The following SCARA5 variants were observed in gnomAD, a reference collection of about 807,000 sequenced individuals.
SCARA5 encodes the protein scavenger receptor class A member 5.
Under a neutral mutation model 46.3 loss-of-function variants are expected in SCARA5, and 45 were observed. The ratio of observed to expected loss-of-function variants is 0.97; its 90% CI spans 0.76 to 1.24. The LOEUF (loss-of-function observed/expected upper bound fraction) is 1.24. Among genes scored for constraint, SCARA5 ranks in the 50% most tolerant of loss-of-function variants. SCARA5 has a pLI of 0.00. For missense variants in SCARA5, 680 were observed against 689.0 expected (o/e 0.99, Z 0.15); for synonymous variants, 333 against 306.5 (o/e 1.09, Z -0.90).
intron 7 of SCARA5, among the ~76,000 whole-genome samples, chr8:27,882,949 C>A (rs1806834659): frequency 6.6e-6 from 1 of 151,406 alleles, no homozygotes. Flanking sequence ...AAGGCATTTC[C>A]CCAACTGCGA....
At chr8:27,904,744 A>C (rs781399868) in intron 7 of SCARA5, 34 bp downstream of exon 7, 1 of 1,591,136 alleles carries the variant, frequency 6.3e-7, no homozygotes, top group Non-Finnish European at 8.6e-7. Context: ...CTGTGCCAAC[A>C]CCATATCCCA....
rs192463474 is a variant in SCARA5, at chr8:27,967,344, C to A, written c.113-802G>T. ...TGTCAAATGTCAGTTAGCAGCAAAT[C>A]CGGCCCCAGGACCCAGGTTGATCTT... On this transcript the variant is annotated intron_variant, in intron 2 of 8. Transcript: ENST00000354914. Among the ~76,000 whole-genome samples the A allele has an allele frequency of 1.1e-4, 17 of 152,288 alleles. No individual in the cohort carries two copies. In the East Asian group the frequency reaches 3.1e-3, roughly 28 times the overall value.
chr8:27,912,023 AGGAAGGGTCCTCCCACTGAGCTTTCAGAG>A (rs1251585599), intron 4 of SCARA5, among the ~76,000 whole-genome samples: 2 of 152,164 alleles, frequency 1.3e-5, no homozygotes, highest in East Asian at 3.9e-4. Flanking sequence ...GGAAGGGCCA[AGGAAGGGTCCTCCCACTGAGCTTTCAGAG>A]GGAACGTGGC....
Position 27,987,647 on chromosome 8 carries a change from A to AG in SCARA5, c.-15-18dup. The stretch of plus-strand genomic sequence containing the variant: ...CTGCAACAGCTGCAGAGAAGGCAAG[A>AG]GGGGAGGAGAGGGAGGACGAAGGCC... On this transcript the variant is annotated splice_polypyrimidine_tract_variant and intron_variant, in intron 1 of 8. Transcript: ENST00000354914. 1 of 1,447,866 alleles carries AG rather than the reference A, an allele frequency of 6.9e-7. No homozygotes were observed. The allele number at this position is 1,447,866 out of a possible 1,614,324, so 89.7% of individuals were successfully genotyped here.
chr8:27,876,914 T>C (rs1585457653), intron 8 of SCARA5, among the ~76,000 whole-genome samples: 2 of 151,872 alleles, frequency 1.3e-5, no homozygotes, highest in South Asian at 4.2e-4. Context: ...GGGGCACCAG[T>C]GGGTAGGATG....
rs180706572 is a variant in SCARA5, at chr8:27,871,877, C to G, written c.*57G>C. 62 of 1,610,458 alleles carry G rather than the reference C, an allele frequency of 3.8e-5. No individual in the cohort carries two copies. In the African/African-American group the frequency reaches 6.8e-4, roughly 18 times the overall value. On this transcript the variant is annotated 3_prime_UTR_variant, in exon 9 of 9. Transcript: ENST00000354914. Reference sequence around the variant, plus strand: ...GGGTGGCCCCGAGCTGTGCCCCACCCCAGGGATGCAGGAAGGGTGCTCTGT... The same window carrying G: ...GGGTGGCCCCGAGCTGTGCCCCACCGCAGGGATGCAGGAAGGGTGCTCTGT...
intron 7 of SCARA5, among the ~76,000 whole-genome samples, chr8:27,880,569 G>A (rs2129673302): frequency 6.6e-6 from 1 of 152,112 alleles, no homozygotes; most frequent in South Asian, 2.1e-4. Flanking sequence ...AGAGCGGCTG[G>A]GCTTGGTGGC....
chr8:27,983,001 G>A (rs1808647637), intron 2 of SCARA5, among the ~76,000 whole-genome samples: 1 of 152,162 alleles, frequency 6.6e-6, no homozygotes, highest in Non-Finnish European at 1.5e-5. Flanking sequence ...CTGCGCTGAG[G>A]AAGCTCCCTG....
intron 7 of SCARA5, among the ~76,000 whole-genome samples, chr8:27,899,550 G>A (rs28498279): frequency 0.01 from 1,594 of 152,336 alleles, 21 homozygotes; most frequent in African/African-American, 0.036. Flanking sequence ...TACCACGCAC[G>A]AGGCATTGGT....
intron 2 of SCARA5, among the ~76,000 whole-genome samples, chr8:27,968,107 T>C (rs1362981893): frequency 6.6e-6 from 1 of 152,182 alleles, no homozygotes; most frequent in Non-Finnish European, 1.5e-5. Context: ...CAGGTATCAT[T>C]ACTACCTCCT....
intron 7 of SCARA5, among the ~76,000 whole-genome samples, chr8:27,896,350 TCTC>T (rs1316379335): frequency 1.3e-5 from 2 of 152,026 alleles, no homozygotes; most frequent in Non-Finnish European, 2.9e-5. Flanking sequence ...CTATCCCAGT[TCTC>T]CTCCTCCTCT....
rs1332114219 is a variant in SCARA5, at chr8:27,922,083, T to C, written c.404A>G (p.Gln135Arg). The change falls in exon 4 of 9, where the codon CAG becomes CGG. Residue 135 changes from glutamine to arginine, a missense_variant. Gln to Arg is a conservative substitution (Grantham distance 43). This residue lies in a region of SCARA5 where 438 missense variants were observed against 384.5 expected (regional missense o/e 1.14). Transcript: ENST00000354914. ...VWKVQDALQN[Q>R]SDSLLALAGA... ...CGCCAGCGCCAGCAACGAGTCTGACTGGTTCTGCAGCGCGTCCTGCACCTT... is the reference window on the plus strand; with the variant it reads ...CGCCAGCGCCAGCAACGAGTCTGACCGGTTCTGCAGCGCGTCCTGCACCTT... The C allele has an allele frequency of 6.2e-7, 1 of 1,600,046 alleles. No individual in the cohort carries two copies. The highest frequency in any genetic ancestry group is 1.3e-5 in the African/African-American group (1 of 74,528).
intron 3 of SCARA5, among the ~76,000 whole-genome samples, chr8:27,944,287 T>A (rs1214812635): frequency 6.6e-6 from 1 of 152,218 alleles, no homozygotes; most frequent in Non-Finnish European, 1.5e-5. Flanking sequence ...ATATACTGTA[T>A]TTATAATCAG....
At chr8:27,877,375 A>T (rs1289856398) in intron 8 of SCARA5, among the ~76,000 whole-genome samples, 1 of 152,182 alleles carries the variant, frequency 6.6e-6, no homozygotes, top group African/African-American at 2.4e-5. Flanking sequence ...GAATCAAGTG[A>T]CAAGCTTAGA....
intron 2 of SCARA5, among the ~76,000 whole-genome samples, chr8:27,982,980 G>C (rs1038592176): frequency 1.3e-5 from 2 of 152,154 alleles, no homozygotes; most frequent in African/African-American, 4.8e-5. Flanking sequence ...GCTAGAGGAG[G>C]GTCCCTTCCT....
chr8:27,875,227 C>G (rs570360789), intron 8 of SCARA5, among the ~76,000 whole-genome samples: 3 of 149,674 alleles, frequency 2.0e-5, no homozygotes, highest in African/African-American at 7.4e-5. Flanking sequence ...CTCTTCACTC[C>G]TCCCTCCTTT....
chr8:27,890,242 C>A, intron 7 of SCARA5, among the ~76,000 whole-genome samples: 1 of 152,186 alleles, frequency 6.6e-6, no homozygotes, highest in East Asian at 1.9e-4. Context: ...ACTGGGATGC[C>A]AGATCCTTCT....
At chr8:27,952,446 C>T (rs1055984590) in intron 3 of SCARA5, among the ~76,000 whole-genome samples, 6 of 152,046 alleles carry the variant, frequency 3.9e-5, no homozygotes, top group Non-Finnish European at 5.9e-5. Flanking sequence ...TGGACCAAGT[C>T]CTTGCACAGG....
In SCARA5 at chr8:27,903,368, A is replaced by C. The variant is rs528653807; in HGVS notation, c.1153+1410T>G. 6.6e-5 allele frequency: 10 copies of C among 152,338 alleles called. No homozygotes were observed. In the East Asian group the frequency reaches 1.9e-3, roughly 29 times the overall value. The allele number at this position is 152,338 out of a possible 1,614,324, so 9.4% of individuals were successfully genotyped here. On this transcript the variant is annotated intron_variant, in intron 7 of 8. Coordinates refer to ENST00000354914, the MANE Select transcript of SCARA5 (RefSeq NM_173833.6). ...CAAGAGTAATCGTGTAATGATCTGG[A>C]GGATTAGGCAGGCACCAAGAAGTGA... is the stretch of plus-strand genomic sequence containing the variant.
Sources: allele counts gnomAD v4.1 joint callset (sites outside exome capture counted in the v4.1 genomes callset), GRCh38; gene constraint gnomAD v4.1.1; regional missense constraint gnomAD v4.1.1; transcripts MANE v1.5; gene names NCBI Gene and HGNC (gene_info 2026-07-23, HGNC 2026-07-21).